The following UVRAG variants were observed in gnomAD, a reference collection of about 807,000 sequenced individuals.
The protein encoded by UVRAG is UV radiation resistance associated.
In UVRAG, 19 loss-of-function variants were observed where a neutral mutation model predicts 78.0. The observed-to-expected ratio is 0.24, with a 90% CI of 0.17 to 0.36. UVRAG has a LOEUF of 0.36. Ranked by LOEUF, UVRAG falls within the 10% of genes least tolerant of loss-of-function variation. The pLI, the probability that UVRAG is intolerant of heterozygous loss-of-function variation, is 1.00. For synonymous variants in UVRAG, 323 were observed against 324.6 expected, an observed-to-expected ratio of 1.00 and a Z score of 0.05; for missense variants, 740 against 853.8, an observed-to-expected ratio of 0.87 and a Z score of 1.66.
intron 1 of UVRAG, among the ~76,000 whole-genome samples, chr11:75,816,543 A>G (rs1945266817): frequency 6.6e-6 from 1 of 152,188 alleles, no homozygotes; most frequent in African/African-American, 2.4e-5. Context: ...CTGAATTTTC[A>G]CAACTCTGTG....
chr11:76,048,258 A>G (rs946750159), intron 12 of UVRAG, among the ~76,000 whole-genome samples: 1 of 152,228 alleles, frequency 6.6e-6, no homozygotes, highest in African/African-American at 2.4e-5. Flanking sequence ...AGCTTTACTT[A>G]ACAGCTAACA....
chr11:75,871,575 C>T (rs902281264), intron 3 of UVRAG, among the ~76,000 whole-genome samples: 14 of 152,168 alleles, frequency 9.2e-5, no homozygotes, highest in African/African-American at 1.4e-4. Flanking sequence ...CGAGCCACCG[C>T]GCCCGGACTG....
chr11:76,108,998 C>T (rs1355033152), intron 13 of UVRAG, among the ~76,000 whole-genome samples: 1 of 152,046 alleles, frequency 6.6e-6, no homozygotes, highest in African/African-American at 2.4e-5. Flanking sequence ...TAATTGAAAC[C>T]AAAATTCCAC....
intron 3 of UVRAG, among the ~76,000 whole-genome samples, chr11:75,873,370 A>G (rs552469213): frequency 1.1e-4 from 17 of 152,114 alleles, no homozygotes; most frequent in African/African-American, 3.9e-4. Context: ...ATATTTGAAT[A>G]CTTACTTTGT....
intron 6 of UVRAG, among the ~76,000 whole-genome samples, chr11:75,945,215 G>C (rs903811198): frequency 6.6e-6 from 1 of 152,068 alleles, no homozygotes; most frequent in Non-Finnish European, 1.5e-5. Flanking sequence ...GTGCTTTGGG[G>C]GGTTAAGAGA....
At chr11:75,964,913 A>G (rs567985517) in intron 7 of UVRAG, among the ~76,000 whole-genome samples, 3 of 152,310 alleles carry the variant, frequency 2.0e-5, no homozygotes, top group African/African-American at 4.8e-5. Flanking sequence ...TCAATTGATC[A>G]TGTATATGTG....
At chr11:75,843,325 A>T (rs559247355) in intron 1 of UVRAG, among the ~76,000 whole-genome samples, 1 of 152,366 alleles carries the variant, frequency 6.6e-6, no homozygotes, top group South Asian at 2.1e-4. Flanking sequence ...TATGTTTAAT[A>T]AAGTGAAACA....
At chr11:75,845,197 G>A (rs57081953) in intron 1 of UVRAG, among the ~76,000 whole-genome samples, 11,462 of 152,108 alleles carry the variant, frequency 0.075, 1,412 homozygotes, top group African/African-American at 0.26. Context: ...GATGTGATAG[G>A]TAGTGTTTCA....
At chr11:76,003,237 T>C (rs1478971755) in intron 8 of UVRAG, among the ~76,000 whole-genome samples, 1 of 150,100 alleles carries the variant, frequency 6.7e-6, no homozygotes, top group Admixed American at 6.6e-5. Flanking sequence ...CTATACACTA[T>C]GATTTTCACG....
At chr11:75,851,671 TCCAA>T (rs1946155184) in intron 1 of UVRAG, among the ~76,000 whole-genome samples, 1 of 152,222 alleles carries the variant, frequency 6.6e-6, no homozygotes, top group African/African-American at 2.4e-5. Flanking sequence ...CACTTCATTC[TCCAA>T]CCACCTTGTA....
Position 76,042,712 on chromosome 11 carries a change from G to T in UVRAG, c.1227-22998G>T, listed in dbSNP as rs116303706. Among the ~76,000 whole-genome samples, 1,378 of 152,276 alleles carry T rather than the reference G, an allele frequency of 9.0e-3. 19 individuals are homozygous for T. The highest frequency in any genetic ancestry group is 0.032 in the African/African-American group (1,313 of 41,546). On this transcript the variant is annotated intron_variant, in intron 12 of 14. Transcript: ENST00000356136. ...GGTAATATTCAATTTCTTGGTCTGG[G>T]TGCTGGTTTCATAAAAGTATTAATT...
Position 76,126,140 on chromosome 11 carries a change from A to C in UVRAG, c.1397+10125A>C, listed in dbSNP as rs1952386184. ...AATTTTTTAGTAGAGACGGGGTTTC[A>C]CCATGTTAGCCAGGATGGTCTCGAT... On this transcript the variant is annotated intron_variant, in intron 14 of 14. Transcript: ENST00000356136. 9.3e-5 allele frequency among the ~76,000 whole-genome samples: 14 copies of C among 151,266 alleles called. 1 individual carries two copies. The South Asian group carries it at 2.7e-3, about 29-fold the overall frequency.
chr11:75,912,574 T>G (rs1283878865), intron 6 of UVRAG, among the ~76,000 whole-genome samples: 1 of 152,238 alleles, frequency 6.6e-6, no homozygotes, highest in Admixed American at 6.5e-5. Context: ...GCTTTAATTT[T>G]AAATGTGATA....
chr11:76,095,955 A>G, intron 13 of UVRAG, among the ~76,000 whole-genome samples: 1 of 151,536 alleles, frequency 6.6e-6, no homozygotes. Context: ...CAACTCTCCC[A>G]CAGATTAAAA....
rs373458424 is a variant in UVRAG at position 76,130,708 on chromosome 11, G to A, written c.1398-10003G>A. On this transcript the variant is annotated intron_variant, in intron 14 of 14. Coordinates refer to ENST00000356136, the MANE Select transcript of UVRAG (RefSeq NM_003369.4). ...AGAGTTTATTAGAGAGCTGATGGTA[G>A]GTCAGTGTTAGTAGTATCTTTCAAA... 3.9e-5 allele frequency among the ~76,000 whole-genome samples: 6 copies of A among 152,306 alleles called. No homozygotes were observed. In the East Asian group the frequency reaches 1.2e-3, roughly 29 times the overall value.
intron 5 of UVRAG, among the ~76,000 whole-genome samples, chr11:75,898,581 ATC>A (rs1223046109): frequency 5.3e-5 from 8 of 152,164 alleles, no homozygotes; most frequent in Non-Finnish European, 1.0e-4. Flanking sequence ...ATCAGAACAC[ATC>A]TCTCCCTCTT....
intron 9 of UVRAG, among the ~76,000 whole-genome samples, chr11:76,006,796 G>C (rs1057245106): frequency 6.6e-6 from 1 of 151,566 alleles, no homozygotes; most frequent in Admixed American, 6.6e-5. Flanking sequence ...GTAATTGTGA[G>C]TGAAATATAG....
rs558649049 is a variant in UVRAG, at chr11:75,863,296, G to A, written c.270+1516G>A. Among the ~76,000 whole-genome samples, 10 of 152,312 alleles carry A rather than the reference G, an allele frequency of 6.6e-5. No homozygotes were observed. In the South Asian group the frequency reaches 1.5e-3, roughly 22 times the overall value. ...TATAATAGTTACTGAGTAAATATTA[G>A]TTTTTCCTCCTCTCCTTGCTCAGGT... On this transcript the variant is annotated intron_variant, in intron 3 of 14. Coordinates refer to ENST00000356136, the MANE Select transcript of UVRAG (RefSeq NM_003369.4).
At chr11:75,949,286 C>T (rs969083140) in intron 6 of UVRAG, among the ~76,000 whole-genome samples, 4 of 152,004 alleles carry the variant, frequency 2.6e-5, no homozygotes, top group African/African-American at 9.7e-5. Flanking sequence ...TATTCTGGTT[C>T]ACAATTTTTT....
Sources: allele counts gnomAD v4.1 joint callset (sites outside exome capture counted in the v4.1 genomes callset), GRCh38; gene constraint gnomAD v4.1.1; transcripts MANE v1.5; gene names NCBI Gene and HGNC (gene_info 2026-07-23, HGNC 2026-07-21).